The following DCC variants were observed in gnomAD, a reference collection of about 807,000 sequenced individuals.
DCC encodes DCC netrin 1 receptor.
A neutral mutation model predicts 172.5 loss-of-function variants in DCC; 58 were observed. The ratio of observed to expected loss-of-function variants is 0.34; its 90% CI spans 0.27 to 0.42. DCC has a LOEUF of 0.42. Ranked by LOEUF, DCC falls within the 10% of genes least tolerant of loss-of-function variation. The probability of loss-of-function intolerance (pLI) is 1.00; values close to 1 mark genes in which losing one functional copy is unlikely to be tolerated. For missense variants in DCC, 1,740 were observed against 1,791.0 expected, an observed-to-expected ratio of 0.97 and a Z score of 0.51; for synonymous variants, 709 against 644.5, an observed-to-expected ratio of 1.10 and a Z score of -1.52.
chr18:53,290,019 A>G (rs6508217), intron 12 of DCC, among the ~76,000 whole-genome samples: 139,779 of 152,240 alleles, frequency 0.92, 64,376 homozygotes, highest in African/African-American at 0.97. Context: ...AAGGACAGGT[A>G]TTTTATCATT....
At chr18:53,146,463 T>C (rs1024926387) in intron 7 of DCC, among the ~76,000 whole-genome samples, 2 of 152,160 alleles carry the variant, frequency 1.3e-5, no homozygotes, top group Non-Finnish European at 2.9e-5. Context: ...GCAAACTCTT[T>C]GCCAAGTCCT....
At chr18:53,208,249 T>C (rs939115797) in intron 11 of DCC, among the ~76,000 whole-genome samples, 2 of 151,894 alleles carry the variant, frequency 1.3e-5, no homozygotes, top group African/African-American at 4.8e-5. Context: ...CACTCCAGCC[T>C]GGGCAACAGA....
Position 53,191,671 on chromosome 18 carries a change from A to G in DCC, c.1573+12555A>G, listed in dbSNP as rs189998236. ...TTGAGTTTTCGAGTTACCAAAATAC[A>G]GTGGTTAAATTTAACTCTTCTCAAA... On this transcript the variant is annotated intron_variant, in intron 9 of 28. Transcript: ENST00000442544. 2.5e-3 allele frequency among the ~76,000 whole-genome samples: 384 copies of G among 152,348 alleles called. 4 individuals carry two copies. Among genetic ancestry groups the G allele is most frequent in the Non-Finnish European group, 1.5e-3 (104 of 68,030 alleles).
At position 53,268,968 on chromosome 18, in the gene DCC, T is replaced by C. The variant is rs187929002; in HGVS notation, c.1912-36610T>C. Among the ~76,000 whole-genome samples, 12 of 151,936 alleles carry C rather than the reference T, an allele frequency of 7.9e-5. No individual in the cohort carries two copies. In the East Asian group the frequency reaches 1.6e-3, roughly 20 times the overall value. On this transcript the variant is annotated intron_variant, in intron 12 of 28. Transcript: ENST00000442544. Reference sequence around the variant, plus strand: ...GTCTCCAGGTCATTTACACTAGAAATGTGTTTTTAGAGGAAAGAATATTGT... The same window carrying C: ...GTCTCCAGGTCATTTACACTAGAAACGTGTTTTTAGAGGAAAGAATATTGT...
chr18:52,693,671 G>C (rs2035966749), intron 1 of DCC, among the ~76,000 whole-genome samples: 2 of 151,830 alleles, frequency 1.3e-5, no homozygotes, highest in South Asian at 4.2e-4. Flanking sequence ...CTGGGTTAGA[G>C]AAAGTATGAG....
chr18:52,729,776 T>A (rs2036608025), intron 1 of DCC, among the ~76,000 whole-genome samples: 1 of 152,210 alleles, frequency 6.6e-6, no homozygotes, highest in Admixed American at 6.5e-5. Context: ...ATGTGGATGT[T>A]CCTGGTTAGA....
At chr18:52,462,401 C>T (rs146181586) in intron 1 of DCC, among the ~76,000 whole-genome samples, 1 of 152,224 alleles carries the variant, frequency 6.6e-6, no homozygotes, top group African/African-American at 2.4e-5. Context: ...TCTCCCAGCC[C>T]ACATCCTGTA....
At chr18:53,371,264 A>G (rs2058057983) in intron 15 of DCC, among the ~76,000 whole-genome samples, 1 of 151,988 alleles carries the variant, frequency 6.6e-6, no homozygotes, top group Non-Finnish European at 1.5e-5. Context: ...CTTAAATTAT[A>G]TACTCAAAAT....
chr18:53,331,649 T>C (rs1504746), intron 14 of DCC, among the ~76,000 whole-genome samples: 45,238 of 152,112 alleles, frequency 0.3, 8,642 homozygotes, highest in Non-Finnish European at 0.44. Flanking sequence ...GTATTTTCTC[T>C]GTATTGTGTT....
chr18:53,073,844 A>G (rs1363436782), intron 7 of DCC, among the ~76,000 whole-genome samples: 1 of 151,410 alleles, frequency 6.6e-6, no homozygotes, highest in African/African-American at 2.4e-5. Context: ...CCTTATCAAT[A>G]TAAGAAGAAT....
intron 5 of DCC, among the ~76,000 whole-genome samples, chr18:53,013,316 G>C (rs1053422393): frequency 4.6e-5 from 7 of 152,126 alleles, no homozygotes; most frequent in Admixed American, 3.9e-4. Flanking sequence ...ATAATTGATA[G>C]ACTAGATAAA....
chr18:52,559,689 T>A (rs908779757), intron 1 of DCC, among the ~76,000 whole-genome samples: 2 of 152,036 alleles, frequency 1.3e-5, no homozygotes, highest in Non-Finnish European at 2.9e-5. Context: ...AGTTATTCAG[T>A]CACAAGTAAT....
chr18:52,884,218 T>G (rs1568167294), intron 2 of DCC, among the ~76,000 whole-genome samples: 1 of 152,120 alleles, frequency 6.6e-6, no homozygotes, highest in Non-Finnish European at 1.5e-5. Flanking sequence ...AACCTTCTTG[T>G]GCTTGAATAT....
In DCC at chr18:52,591,840, G is replaced by T. The variant is rs527368973; in HGVS notation, c.92-160214G>T. ...GAATCTCACTATCTTATCCAGATTG[G>T]TCTCAAACTTCTGGCCTCAAGCAGT... On this transcript the variant is annotated intron_variant, in intron 1 of 28. Transcript: ENST00000442544. Among the ~76,000 whole-genome samples the T allele has an allele frequency of 4.3e-5, 6 of 140,000 alleles. No homozygotes were observed. In the South Asian group the frequency reaches 1.4e-3, roughly 32 times the overall value. The allele number at this position is 140,000 out of a possible 152,430, so 91.8% of individuals were successfully genotyped here. A position where few individuals can be genotyped will look rare whatever the true frequency, so the allele number is the denominator to read the frequency against.
chr18:53,375,874 A>G (rs2058105083), intron 15 of DCC, among the ~76,000 whole-genome samples: 1 of 152,066 alleles, frequency 6.6e-6, no homozygotes, highest in Non-Finnish European at 1.5e-5. Context: ...GTAATTGGTG[A>G]CCAAAGGCTG....
At chr18:52,438,237 G>A (rs544611806) in intron 1 of DCC, among the ~76,000 whole-genome samples, 2 of 152,140 alleles carry the variant, frequency 1.3e-5, no homozygotes, top group Non-Finnish European at 2.9e-5. Context: ...CTGCAGTGTT[G>A]TAGATGGGCA....
At chr18:53,464,581 C>A (rs1400665598) in intron 24 of DCC, among the ~76,000 whole-genome samples, 1 of 151,660 alleles carries the variant, frequency 6.6e-6, no homozygotes, top group Non-Finnish European at 1.5e-5. Flanking sequence ...TCTTGTTTAA[C>A]TTTTCAATGA....
Position 53,386,090 on chromosome 18 carries a change from G to A in DCC, c.2407G>A (p.Gly803Arg), listed in dbSNP as rs797044550. The A allele has an allele frequency of 6.2e-7, 1 of 1,613,416 alleles. No individual in the cohort carries two copies. The highest frequency in any genetic ancestry group is 8.5e-7 in the Non-Finnish European group (1 of 1,179,520). ...CTCCCTAAAAGCTTTTAACAATGCC[G>A]GAGAAGGAGTTCCTCTTTATGAAAG... Reference protein sequence around the residue: ...VISLKAFNNAGEGVPLYESAT... With the variant: ...VISLKAFNNAREGVPLYESAT... The change falls in exon 16 of 29, where the codon GGA becomes AGA. Residue 803 changes from glycine to arginine, a missense_variant. Physicochemically the swap from Gly to Arg is moderately radical, Grantham distance 125 (BLOSUM62 -2). This residue lies in a region of DCC where 1,732 missense variants were observed against 1,767.4 expected (regional missense o/e 0.98). Transcript: ENST00000442544.
At chr18:52,846,918 A>G (rs904936924) in intron 2 of DCC, among the ~76,000 whole-genome samples, 1 of 152,098 alleles carries the variant, frequency 6.6e-6, no homozygotes, top group African/African-American at 2.4e-5. Flanking sequence ...GTCAGTGCAA[A>G]TATAGGGAAT....
Sources: gnomAD v4.1 joint callset for allele counts (sites outside exome capture counted in the v4.1 genomes callset) on GRCh38, gnomAD v4.1.1 for gene constraint, gnomAD v4.1.1 regional missense constraint, MANE v1.5 for transcripts, NCBI Gene and HGNC (gene_info 2026-07-23, HGNC 2026-07-21) for gene names.